LRCH3: variants seen among roughly 807,000 people sequenced by gnomAD.
The protein encoded by LRCH3 is leucine rich repeats and calponin homology domain containing 3.
A neutral mutation model predicts 104.5 loss-of-function variants in LRCH3; 68 were observed. The observed-to-expected ratio is 0.65, with a 90% CI of 0.54 to 0.80. LRCH3 has a LOEUF of 0.80. Among genes scored for constraint, LRCH3 ranks in the 30% least tolerant of loss-of-function variants. LRCH3 has a pLI of 0.00. For missense variants in LRCH3, 951 were observed against 953.9 expected (o/e 1.00, Z 0.04); for synonymous variants, 344 against 361.3 (o/e 0.95, Z 0.54).
chr3:197,833,705 A>G (rs1488775499), intron 8 of LRCH3, among the ~76,000 whole-genome samples: 2 of 151,782 alleles, frequency 1.3e-5, no homozygotes, highest in African/African-American at 4.9e-5. Flanking sequence ...GTAAAATATT[A>G]AAGTTAATGC....
chr3:197,847,303 AT>A, intron 10 of LRCH3, 105 bp from the exon 11 acceptor site: 1 of 1,058,920 alleles, frequency 9.4e-7, no homozygotes, highest in Non-Finnish European at 1.4e-6. Context: ...TTTGCTACTG[AT>A]TAATAGAAAG....
rs779896969 is a variant in LRCH3 at position 197,871,347 on chromosome 3, T to C, written c.2015T>C (p.Val672Ala). 1.7e-5 allele frequency: 28 copies of C among 1,613,914 alleles called. No homozygotes were observed. In the Middle Eastern group the frequency reaches 6.6e-4, roughly 38 times the overall value. Residue 672 changes from valine (V) to alanine (A), a missense_variant, in exon 19 of 21, where the codon GTG (valine) becomes GCG (alanine). Val to Ala is a moderately conservative substitution (Grantham distance 64). Coordinates refer to ENST00000425562, the MANE Select transcript of LRCH3 (RefSeq NM_001365715.1). ...LRKHIEYRLK[V>A]SLPCDLGAAL... ...CAGCATATTGAGTACCGGTTGAAAG[T>C]GTCTCTACCTTGTGATCTCGGAGCA...
At chr3:197,837,982 C>A (rs1299406834) in intron 9 of LRCH3, among the ~76,000 whole-genome samples, 2 of 152,034 alleles carry the variant, frequency 1.3e-5, no homozygotes, top group African/African-American at 2.4e-5. Context: ...GTCACTTGAA[C>A]CTGGGCAGCG....
chr3:197,858,906 G>A lies in LRCH3; in HGVS notation c.1716+1G>A, dbSNP rs755823011. On this transcript the variant is annotated splice_donor_variant, in intron 15 of 20. Transcript: ENST00000425562. LOFTEE classifies it high-confidence loss of function. ...TTCTTCTGCCTTCACGCCTCTTAAG[G>A]TATCTCTTGTTATTGTAATTCACCA... is the stretch of plus-strand genomic sequence containing the variant. The A allele has an allele frequency of 1.2e-5, 20 of 1,612,352 alleles. No homozygotes were observed. In the South Asian group the frequency reaches 2.2e-4, roughly 18 times the overall value.
intron 9 of LRCH3, among the ~76,000 whole-genome samples, chr3:197,838,956 G>A (rs1737360782): frequency 6.6e-6 from 1 of 152,136 alleles, no homozygotes; most frequent in African/African-American, 2.4e-5. Flanking sequence ...TTAGGGTAGG[G>A]TAGGTGGGAA....
intron 20 of LRCH3, chr3:197,880,728 C>T (rs1425144606): frequency 9.1e-6 from 14 of 1,536,488 alleles, no homozygotes; most frequent in South Asian, 5.9e-5. Context: ...GATTGCACTC[C>T]GGTGACTTTC....
intron 14 of LRCH3, among the ~76,000 whole-genome samples, chr3:197,855,147 C>T (rs193217603): frequency 2.0e-5 from 3 of 152,296 alleles, no homozygotes; most frequent in African/African-American, 7.2e-5. Flanking sequence ...GCCTACAGTG[C>T]TAGTAACTGC....
chr3:197,849,610 C>T (rs890552297), intron 12 of LRCH3, among the ~76,000 whole-genome samples: 1 of 152,052 alleles, frequency 6.6e-6, no homozygotes, highest in Non-Finnish European at 1.5e-5. Context: ...ATATAGTTCT[C>T]TTGAAACTAA....
chr3:197,835,673 G>A lies in LRCH3; in HGVS notation c.1103-1G>A. The A allele has an allele frequency of 2.5e-6, 4 of 1,612,290 alleles. No individual in the cohort carries two copies. Among genetic ancestry groups the A allele is most frequent in the Non-Finnish European group, 3.4e-6 (4 of 1,179,116 alleles). On this transcript the variant is annotated splice_acceptor_variant, in intron 8 of 20. Transcript: ENST00000425562. LOFTEE classifies it high-confidence loss of function. ...TGTGGGTGTGTGTGTGGTGTATACA[G>A]TGGAACATGATCTGGATCAGATTGA...
intron 10 of LRCH3, among the ~76,000 whole-genome samples, chr3:197,844,541 C>T (rs750443385): frequency 1.3e-5 from 2 of 151,234 alleles, no homozygotes; most frequent in Non-Finnish European, 2.9e-5. Flanking sequence ...AAAGCATGAG[C>T]CACTGTGCCT....
chr3:197,861,659 A>G (rs1740898426), intron 15 of LRCH3, among the ~76,000 whole-genome samples: 1 of 152,178 alleles, frequency 6.6e-6, no homozygotes, highest in South Asian at 2.1e-4. Flanking sequence ...CAGCAATTAT[A>G]CATTATACTT....
intron 10 of LRCH3, among the ~76,000 whole-genome samples, chr3:197,840,421 C>T (rs1737630161): frequency 1.3e-5 from 2 of 152,092 alleles, no homozygotes; most frequent in African/African-American, 4.8e-5. Context: ...CGCACCATTG[C>T]CCTCCAGCCT....
intron 4 of LRCH3, chr3:197,822,966 C>CA (rs1560542098): frequency 6.6e-6 from 1 of 150,614 alleles, no homozygotes; most frequent in East Asian, 2.0e-4. Flanking sequence ...CACACCACCA[C>CA]ACCCAGCTAA....
chr3:197,819,499 T>G (rs1322175095), intron 3 of LRCH3, among the ~76,000 whole-genome samples: 1 of 151,968 alleles, frequency 6.6e-6, no homozygotes, highest in Non-Finnish European at 1.5e-5. Context: ...GTGGATCACC[T>G]GAGGTCAGGA....
At chr3:197,822,794 A>G (rs1006872881) in intron 4 of LRCH3, 44 of 152,026 alleles carry the variant, frequency 2.9e-4, no homozygotes, top group African/African-American at 1.1e-3. Flanking sequence ...AAAATATTAA[A>G]AAATATTAAG....
chr3:197,823,993 G>A (rs1302237344), intron 4 of LRCH3, among the ~76,000 whole-genome samples: 1 of 151,956 alleles, frequency 6.6e-6, no homozygotes, highest in Non-Finnish European at 1.5e-5. Context: ...TCACATTACT[G>A]TAATTATGTA....
intron 8 of LRCH3, among the ~76,000 whole-genome samples, chr3:197,832,568 G>T (rs1736102136): frequency 6.6e-6 from 1 of 152,086 alleles, no homozygotes; most frequent in African/African-American, 2.4e-5. Context: ...ATTAGAGACA[G>T]TACACCTGGA....
intron 2 of LRCH3, 24 bp downstream of exon 2, chr3:197,815,076 T>A: frequency 1.4e-6 from 2 of 1,384,682 alleles, no homozygotes; most frequent in South Asian, 1.4e-5. Context: ...TTTCTTATTT[T>A]AAATTTTTGG....
At chr3:197,806,094 T>C (rs1288661314) in intron 1 of LRCH3, among the ~76,000 whole-genome samples, 4 of 151,812 alleles carry the variant, frequency 2.6e-5, no homozygotes, top group African/African-American at 9.7e-5. Context: ...ACCCGGCTAA[T>C]TTTGTATTTT....
Sources: gnomAD v4.1 joint callset for allele counts (sites outside exome capture counted in the v4.1 genomes callset) on GRCh38, gnomAD v4.1.1 for gene constraint, MANE v1.5 for transcripts, NCBI Gene and HGNC (gene_info 2026-07-23, HGNC 2026-07-21) for gene names.